CTNNA3: variants seen among roughly 807,000 people sequenced by gnomAD.
CTNNA3 encodes the protein catenin alpha-3.
Under a neutral mutation model 95.7 loss-of-function variants are expected in CTNNA3, and 76 were observed. That is an observed-to-expected ratio of 0.79 (90% CI 0.66 to 0.96). The LOEUF (loss-of-function observed/expected upper bound fraction) is 0.96, where lower values mean the gene tolerates loss of function less well. CTNNA3 is among the 40% of genes least tolerant of loss of function. The pLI, the probability that CTNNA3 is intolerant of heterozygous loss-of-function variation, is 0.00. For missense variants in CTNNA3, 1,191 were observed against 1,089.8 expected (o/e 1.09, Z -1.31); for synonymous variants, 431 against 374.4 (o/e 1.15, Z -1.74).
chr10:66,276,777 CTA>C (rs2091406857), intron 13 of CTNNA3, among the ~76,000 whole-genome samples: 3 of 151,992 alleles, frequency 2.0e-5, no homozygotes, highest in South Asian at 2.1e-4. Flanking sequence ...AGTACTAACT[CTA>C]TGTGGTAATA....
chr10:66,606,228 C>T (rs768138001), intron 10 of CTNNA3, among the ~76,000 whole-genome samples: 1 of 152,076 alleles, frequency 6.6e-6, no homozygotes, highest in Non-Finnish European at 1.5e-5. Context: ...CCTCACTATC[C>T]TGAATATATA....
At position 67,414,813 on chromosome 10, in the gene CTNNA3, T is replaced by C. The variant is rs4746681; in HGVS notation, c.579+107029A>G. On this transcript the variant is annotated intron_variant, in intron 5 of 17. Coordinates refer to ENST00000433211, the MANE Select transcript of CTNNA3 (RefSeq NM_013266.4). ...ATTTGTGATTTGCTGTGTTGCAAGA[T>C]TGCAAATACTTGCATATGTTGCAAA... Among the ~76,000 whole-genome samples, 357 of 152,326 alleles carry C rather than the reference T, an allele frequency of 2.3e-3. 11 individuals are homozygous for C. Among genetic ancestry groups the C allele is most frequent in the Admixed American group, 0.019 (284 of 15,300 alleles).
At chr10:66,722,744 TCA>T in intron 9 of CTNNA3, among the ~76,000 whole-genome samples, 1 of 151,960 alleles carries the variant, frequency 6.6e-6, no homozygotes, top group Middle Eastern at 3.2e-3. Context: ...AAGTCTTTGC[TCA>T]TAGGCACAAC....
At chr10:66,403,345 C>T (rs115202205) in intron 11 of CTNNA3, among the ~76,000 whole-genome samples, 2,378 of 152,088 alleles carry the variant, frequency 0.016, 63 homozygotes, top group African/African-American at 0.054. Context: ...TACCTGTGAC[C>T]AGGTAATTGA....
intron 7 of CTNNA3, among the ~76,000 whole-genome samples, chr10:67,158,602 T>C (rs879359917): frequency 6.6e-6 from 1 of 152,204 alleles, no homozygotes; most frequent in Non-Finnish European, 1.5e-5. Flanking sequence ...AACTGACACA[T>C]GTGCCCGCAT....
chr10:66,971,779 T>A (rs1849738043), intron 7 of CTNNA3, among the ~76,000 whole-genome samples: 1 of 152,178 alleles, frequency 6.6e-6, no homozygotes, highest in Admixed American at 6.5e-5. Context: ...ACATAATTTA[T>A]TTTAATTACA....
At chr10:66,810,882 T>G (rs976562726) in intron 7 of CTNNA3, among the ~76,000 whole-genome samples, 1 of 152,148 alleles carries the variant, frequency 6.6e-6, no homozygotes, top group East Asian at 1.9e-4. Flanking sequence ...ATTCCCACTC[T>G]CATAGAATGA....
At chr10:66,581,743 C>T (rs1171632624) in intron 10 of CTNNA3, among the ~76,000 whole-genome samples, 1 of 151,544 alleles carries the variant, frequency 6.6e-6, no homozygotes, top group South Asian at 2.1e-4. Context: ...AAGAGTTTTT[C>T]CTAGGTACTC....
intron 9 of CTNNA3, among the ~76,000 whole-genome samples, chr10:66,708,683 T>A (rs1848197247): frequency 1.3e-5 from 2 of 152,006 alleles, no homozygotes; most frequent in Admixed American, 1.3e-4. Context: ...CTCTCTCAAA[T>A]AATATTTTTA....
intron 2 of CTNNA3, among the ~76,000 whole-genome samples, chr10:67,636,349 C>T (rs1200614740): frequency 6.6e-6 from 1 of 152,156 alleles, no homozygotes; most frequent in African/African-American, 2.4e-5. Flanking sequence ...CAAAAAACAG[C>T]TCAAATAGCC....
At chr10:66,520,594 A>G in intron 11 of CTNNA3, 23 bp downstream of exon 11, 1 of 1,580,422 alleles carries the variant, frequency 6.3e-7, no homozygotes, top group East Asian at 2.3e-5. Context: ...GAAAATAAAC[A>G]AATTAAAAGA....
chr10:66,419,015 G>T (rs985507696), intron 11 of CTNNA3, among the ~76,000 whole-genome samples: 12 of 152,028 alleles, frequency 7.9e-5, no homozygotes, highest in Admixed American at 6.6e-4. Context: ...AGCACTGAAA[G>T]TCCTAGCCAG....
At chr10:67,259,682 G>A (rs1044187219) in intron 5 of CTNNA3, among the ~76,000 whole-genome samples, 2 of 152,084 alleles carry the variant, frequency 1.3e-5, no homozygotes, top group Non-Finnish European at 2.9e-5. Flanking sequence ...TTATGTTCCC[G>A]CTTCCTTGCT....
intron 5 of CTNNA3, among the ~76,000 whole-genome samples, chr10:67,324,132 T>C (rs1301111269): frequency 2.0e-5 from 3 of 152,166 alleles, no homozygotes; most frequent in African/African-American, 7.2e-5. Context: ...TGGGCTGAGA[T>C]GATGAAGTTT....
chr10:67,132,567 G>T (rs1439936621), intron 7 of CTNNA3, among the ~76,000 whole-genome samples: 1 of 152,082 alleles, frequency 6.6e-6, no homozygotes, highest in Non-Finnish European at 1.5e-5. Flanking sequence ...AAGTAAATGA[G>T]AGGGATATGG....
At chr10:66,017,713 CA>C (rs1475547146) in intron 15 of CTNNA3, among the ~76,000 whole-genome samples, 2 of 152,028 alleles carry the variant, frequency 1.3e-5, no homozygotes, top group Admixed American at 1.3e-4. Flanking sequence ...TGTGGCCAAA[CA>C]GAACTATTGT....
intron 15 of CTNNA3, among the ~76,000 whole-genome samples, chr10:66,065,334 C>T (rs986063065): frequency 1.1e-4 from 16 of 151,728 alleles, no homozygotes; most frequent in African/African-American, 3.9e-4. Context: ...TTCTGTCCCT[C>T]CCCATTTCCT....
rs548855261 is a variant in CTNNA3, at chr10:66,130,362, G to A, written c.1885-27113C>T. On this transcript the variant is annotated intron_variant, in intron 13 of 17. Transcript: ENST00000433211. ...TAGCAGAAGACAAGAAATAACTAAA[G>A]TGAGAGCTGAACTGAAGACTGAGAC... is the stretch of plus-strand genomic sequence containing the variant. Among the ~76,000 whole-genome samples the A allele has an allele frequency of 2.1e-4, 31 of 150,520 alleles. 1 individual carries two copies. In the South Asian group the frequency reaches 6.5e-3, roughly 31 times the overall value.
intron 9 of CTNNA3, among the ~76,000 whole-genome samples, chr10:66,733,814 A>G (rs137967816): frequency 0.015 from 2,233 of 151,782 alleles, 40 homozygotes; most frequent in South Asian, 0.069. Flanking sequence ...TTTTTTGCCT[A>G]TCTTTGAGGT....
Sources: allele counts gnomAD v4.1 joint callset (sites outside exome capture counted in the v4.1 genomes callset), GRCh38; gene constraint gnomAD v4.1.1; transcripts MANE v1.5; gene names NCBI Gene and HGNC (gene_info 2026-07-23, HGNC 2026-07-21).